The following ADAMTSL1 variants were observed in gnomAD, a reference collection of about 807,000 sequenced individuals.
ADAMTSL1 encodes ADAMTS like 1.
ADAMTSL1 carries 126 observed loss-of-function variants against 201.8 expected under a neutral mutation model. That is an observed-to-expected ratio of 0.62 (90% CI 0.54 to 0.72). The LOEUF (loss-of-function observed/expected upper bound fraction) is 0.72, where lower values mean the gene tolerates loss of function less well. Among genes scored for constraint, ADAMTSL1 ranks in the 30% least tolerant of loss-of-function variants. The pLI is 0.00. For synonymous variants in ADAMTSL1, 1,121 were observed against 903.4 expected (o/e 1.24, Z -4.32); for missense variants, 2,679 against 2,277.8 (o/e 1.18, Z -3.59).
chr9:18,093,546 A>G lies in ADAMTSL1; in HGVS notation c.88-70316A>G, dbSNP rs75404042. 2.3e-3 allele frequency among the ~76,000 whole-genome samples: 345 copies of G among 152,284 alleles called. 1 individual carries two copies. The highest frequency in any genetic ancestry group is 3.1e-3 in the Non-Finnish European group (213 of 68,018). ...TGAAATTTATATTAGGACTACCCTC[A>G]TTTTCCTAAGCTTCTATTCCTCATA... On this transcript the variant is annotated intron_variant, in intron 1 of 29. Transcript: ENST00000680146.
chr9:18,662,096 T>C, intron 9 of ADAMTSL1, 23 bp downstream of exon 9: 1 of 1,607,416 alleles, frequency 6.2e-7, no homozygotes, highest in Non-Finnish European at 8.5e-7. Flanking sequence ...TGCTAGTTCA[T>C]TTGTCATAAA....
intron 2 of ADAMTSL1, among the ~76,000 whole-genome samples, chr9:18,426,164 A>G (rs552438046): frequency 6.6e-6 from 1 of 150,882 alleles, no homozygotes; most frequent in East Asian, 1.9e-4. Flanking sequence ...AATTTGGGGC[A>G]CTACTTGGTT....
rs556966403 is a variant in ADAMTSL1, at chr9:18,742,849, T to C, written c.2007-10449T>C. On this transcript the variant is annotated intron_variant, in intron 15 of 28. Coordinates refer to ENST00000380548, the MANE Select transcript of ADAMTSL1 (RefSeq NM_001040272.6). The stretch of plus-strand genomic sequence containing the variant: ...AACTGCAATAAAACCCAAAATATGG[T>C]ATTAGAGAAGAAACACAACAATAGA... 2.1e-3 allele frequency among the ~76,000 whole-genome samples: 320 copies of C among 152,230 alleles called. 1 individual carries two copies. The highest frequency in any genetic ancestry group is 7.3e-3 in the African/African-American group (303 of 41,524).
At chr9:18,148,257 A>T (rs944094062) in intron 1 of ADAMTSL1, among the ~76,000 whole-genome samples, 1 of 152,008 alleles carries the variant, frequency 6.6e-6, no homozygotes, top group Admixed American at 6.6e-5. Context: ...CATAGTATAA[A>T]CAAATGGAAC....
intron 2 of ADAMTSL1, among the ~76,000 whole-genome samples, chr9:18,164,813 T>A (rs1827562149): frequency 6.6e-6 from 1 of 151,922 alleles, no homozygotes; most frequent in African/African-American, 2.4e-5. Context: ...TTGACTGCCC[T>A]CTCTCAAGAG....
At chr9:18,681,494 CA>C in intron 11 of ADAMTSL1, 1 of 173,252 alleles carries the variant, frequency 5.8e-6, no homozygotes, top group South Asian at 1.7e-4. Context: ...GCACACTCTA[CA>C]GTCTCTTTTC....
intron 14 of ADAMTSL1, among the ~76,000 whole-genome samples, chr9:18,714,152 G>C (rs1230653005): frequency 6.6e-6 from 1 of 152,172 alleles, no homozygotes; most frequent in Non-Finnish European, 1.5e-5. Context: ...AAGCACAAAA[G>C]ATCCAAAATT....
At chr9:18,475,091 A>G (rs1821385901) in intron 1 of ADAMTSL1, among the ~76,000 whole-genome samples, 1 of 152,192 alleles carries the variant, frequency 6.6e-6, no homozygotes, top group Non-Finnish European at 1.5e-5. Flanking sequence ...ATTAATAGCA[A>G]TGCACATTTT....
chr9:18,696,015 G>A (rs982077270), intron 13 of ADAMTSL1, among the ~76,000 whole-genome samples: 7 of 152,188 alleles, frequency 4.6e-5, no homozygotes, highest in African/African-American at 1.4e-4. Flanking sequence ...GAGGAAGAGG[G>A]CAAAGGGAGA....
At chr9:18,353,992 T>C (rs1407683783) in intron 2 of ADAMTSL1, among the ~76,000 whole-genome samples, 1 of 150,978 alleles carries the variant, frequency 6.6e-6, no homozygotes, top group Non-Finnish European at 1.5e-5. Flanking sequence ...CCAGAGATTT[T>C]CTATACATGT....
chr9:18,321,590 G>A (rs184721610), intron 2 of ADAMTSL1, among the ~76,000 whole-genome samples: 2 of 152,180 alleles, frequency 1.3e-5, no homozygotes, highest in East Asian at 3.9e-4. Flanking sequence ...TCAGGAGATC[G>A]AGACCATCCT....
chr9:18,211,704 G>A lies in ADAMTSL1; in HGVS notation c.207+47723G>A, dbSNP rs1453000894. Among the ~76,000 whole-genome samples the A allele has an allele frequency of 5.3e-5, 8 of 152,186 alleles. No homozygotes were observed. In the East Asian group the frequency reaches 5.8e-4, roughly 11 times the overall value. On this transcript the variant is annotated intron_variant, in intron 2 of 29. Coordinates refer to the ADAMTSL1 transcript ENST00000680146. The stretch of plus-strand genomic sequence containing the variant: ...TTTTATTTTAGAAGAGAATTTCACC[G>A]TCCCTTCAGCATCTGAAGCTAAAGA...
intron 17 of ADAMTSL1, among the ~76,000 whole-genome samples, chr9:18,775,402 A>G (rs551779287): frequency 1.3e-5 from 2 of 152,386 alleles, no homozygotes; most frequent in African/African-American, 2.4e-5. Context: ...CAAACTAAGC[A>G]TAAGTGGAAA....
intron 2 of ADAMTSL1, among the ~76,000 whole-genome samples, chr9:18,397,408 C>T (rs1014130107): frequency 6.6e-6 from 1 of 151,918 alleles, no homozygotes; most frequent in African/African-American, 2.4e-5. Context: ...GATGCTGTTA[C>T]ATGCACTCCA....
At chr9:18,510,426 C>T (rs974619117) in intron 2 of ADAMTSL1, among the ~76,000 whole-genome samples, 5 of 152,178 alleles carry the variant, frequency 3.3e-5, no homozygotes, top group South Asian at 2.1e-4. Context: ...TAAAAGCCTT[C>T]ATTCTCAACA....
chr9:18,133,667 C>A (rs1449915958), intron 1 of ADAMTSL1, among the ~76,000 whole-genome samples: 2 of 152,106 alleles, frequency 1.3e-5, no homozygotes, highest in Admixed American at 1.3e-4. Context: ...CATTCACACC[C>A]AGGTCCCTAT....
At chr9:18,435,246 C>T (rs1299398761) in intron 2 of ADAMTSL1, among the ~76,000 whole-genome samples, 1 of 152,210 alleles carries the variant, frequency 6.6e-6, no homozygotes, top group African/African-American at 2.4e-5. Context: ...GATGAAAATA[C>T]ATGGCCTCTG....
chr9:18,462,034 G>GA (rs1343799611), intron 2 of ADAMTSL1, among the ~76,000 whole-genome samples: 2 of 151,850 alleles, frequency 1.3e-5, no homozygotes, highest in East Asian at 1.9e-4. Flanking sequence ...GCTTTTGGTT[G>GA]AAAAAAAATC....
At chr9:18,191,152 C>A (rs1436124243) in intron 2 of ADAMTSL1, among the ~76,000 whole-genome samples, 1 of 152,110 alleles carries the variant, frequency 6.6e-6, no homozygotes, top group Non-Finnish European at 1.5e-5. Flanking sequence ...TATGAGCAGG[C>A]CTAGATAGTT....
Sources: allele counts gnomAD v4.1 joint callset (sites outside exome capture counted in the v4.1 genomes callset), GRCh38; gene constraint gnomAD v4.1.1; transcripts MANE v1.5; gene names NCBI Gene and HGNC (gene_info 2026-07-23, HGNC 2026-07-21).